The following MACROH2A1 variants were observed in gnomAD, a reference collection of about 807,000 sequenced individuals.
MACROH2A1 encodes macroH2A.1 histone.
A neutral mutation model predicts 31.6 loss-of-function variants in MACROH2A1; 2 were observed. That is an observed-to-expected ratio of 0.06 (90% CI 0.03 to 0.20). MACROH2A1 has a LOEUF of 0.20. Ranked by LOEUF, MACROH2A1 falls within the 10% of genes least tolerant of loss-of-function variation. The pLI is 1.00. For missense variants in MACROH2A1, 230 were observed against 474.0 expected (o/e 0.49, Z 4.78); for synonymous variants, 169 against 189.6 (o/e 0.89, Z 0.89).
intron 8 of MACROH2A1, among the ~76,000 whole-genome samples, chr5:135,335,717 G>C (rs985737766): frequency 2.6e-5 from 4 of 152,022 alleles, no homozygotes; most frequent in African/African-American, 4.8e-5. Context: ...AAGTTTCCAA[G>C]CCAAATGTGT....
chr5:135,378,921 G>C (rs1765275130), intron 2 of MACROH2A1, among the ~76,000 whole-genome samples: 1 of 152,124 alleles, frequency 6.6e-6, no homozygotes, highest in South Asian at 2.1e-4. Context: ...GCCTGGGGTG[G>C]GAGTGAAAGG....
chr5:135,350,775 C>T (rs371673190), intron 6 of MACROH2A1: 24 of 1,153,392 alleles, frequency 2.1e-5, no homozygotes, highest in East Asian at 4.7e-5. Flanking sequence ...CTGCAGCGGC[C>T]GACTGACCAT....
chr5:135,391,399 G>C (rs1767214947), intron 1 of MACROH2A1, among the ~76,000 whole-genome samples: 1 of 152,136 alleles, frequency 6.6e-6, no homozygotes, highest in Admixed American at 6.5e-5. Context: ...GGCATGTCTG[G>C]GGCTGCCTAT....
At chr5:135,395,262 C>T (rs1279854390) in intron 1 of MACROH2A1, among the ~76,000 whole-genome samples, 1 of 152,172 alleles carries the variant, frequency 6.6e-6, no homozygotes, top group Non-Finnish European at 1.5e-5. Context: ...ACCCCTTAAA[C>T]AATCAGGGCA....
Position 135,334,974 on chromosome 5 carries a change from G to A in MACROH2A1, c.*2C>T, listed in dbSNP as rs1488277658. Reference sequence around the variant, plus strand: ...GTGCAGCTGGTTCTGTCATTGCTCAGCCTAGTTGGCGTCCAGCTTGGCCAT... The same window carrying A: ...GTGCAGCTGGTTCTGTCATTGCTCAACCTAGTTGGCGTCCAGCTTGGCCAT... On this transcript the variant is annotated 3_prime_UTR_variant, in exon 9 of 9. Coordinates refer to ENST00000511689, the MANE Select transcript of MACROH2A1 (RefSeq NM_138610.3). The A allele has an allele frequency of 6.2e-7, 1 of 1,613,014 alleles. No homozygotes were observed. The highest frequency in any genetic ancestry group is 8.5e-7 in the Non-Finnish European group (1 of 1,179,232).
chr5:135,385,058 C>T (rs1184457883), intron 2 of MACROH2A1, among the ~76,000 whole-genome samples: 2 of 152,220 alleles, frequency 1.3e-5, no homozygotes, highest in Non-Finnish European at 2.9e-5. Flanking sequence ...ATCCAGACCC[C>T]TCCCATCTCT....
chr5:135,382,425 A>G (rs1765774441), intron 2 of MACROH2A1, among the ~76,000 whole-genome samples: 1 of 152,250 alleles, frequency 6.6e-6, no homozygotes, highest in African/African-American at 2.4e-5. Flanking sequence ...AAATGGTGCT[A>G]GAACAACTAG....
intron 5 of MACROH2A1, chr5:135,354,831 CAAATT>C (rs1034368275): frequency 5.9e-6 from 2 of 337,936 alleles, no homozygotes; most frequent in African/African-American, 2.2e-5. Flanking sequence ...TACAAAAACT[CAAATT>C]AAGCCAATAC....
At chr5:135,391,193 G>A (rs1482909987) in intron 1 of MACROH2A1, among the ~76,000 whole-genome samples, 1 of 152,226 alleles carries the variant, frequency 6.6e-6, no homozygotes, top group Non-Finnish European at 1.5e-5. Context: ...GCTGTCATTG[G>A]GTTTCCTAGC....
chr5:135,340,862 G>A (rs773949522), intron 8 of MACROH2A1, among the ~76,000 whole-genome samples: 1 of 152,172 alleles, frequency 6.6e-6, no homozygotes, highest in African/African-American at 2.4e-5. Context: ...ACAGCTCTAT[G>A]GGGTGAGGTC....
intron 4 of MACROH2A1, among the ~76,000 whole-genome samples, chr5:135,365,507 T>G (rs539947864): frequency 3.9e-5 from 6 of 152,318 alleles, no homozygotes; most frequent in African/African-American, 1.4e-4. Context: ...TCCTGCCTTC[T>G]GTAATGAATC....
Position 135,369,235 on chromosome 5 carries a change from C to T in MACROH2A1, c.477+171G>A. On this transcript the variant is annotated intron_variant, in intron 4 of 8. Transcript: ENST00000511689. This position sits in a 1 kb window ranked among gnomAD's most constrained non-coding sequence, Gnocchi z 4.3. ...CTCTGGGAGGGCCTCCTGACTCTGG[C>T]TACTTGTGTTGGACTAGCCCCTCTG... 2 of 685,696 alleles carry T rather than the reference C, an allele frequency of 2.9e-6. No individual in the cohort carries two copies. The highest frequency in any genetic ancestry group is 1.8e-5 in the South Asian group (1 of 56,808). The allele number at this position is 685,696 out of a possible 1,614,324, so 42.5% of individuals were successfully genotyped here. A position where few individuals can be genotyped will look rare whatever the true frequency, so the allele number is the denominator to read the frequency against.
intron 4 of MACROH2A1, among the ~76,000 whole-genome samples, chr5:135,366,175 T>A (rs1381593378): frequency 6.6e-6 from 1 of 152,244 alleles, no homozygotes; most frequent in Non-Finnish European, 1.5e-5. Context: ...GAACTGTGAC[T>A]CAATTAAACT....
chr5:135,340,081 C>T (rs1759537254), intron 8 of MACROH2A1, among the ~76,000 whole-genome samples: 1 of 152,102 alleles, frequency 6.6e-6, no homozygotes, highest in Non-Finnish European at 1.5e-5. Context: ...GGGGGCAGTC[C>T]TATGGTGGGA....
At chr5:135,345,797 C>G in intron 7 of MACROH2A1, 171 bp downstream of exon 7, 2 of 561,656 alleles carry the variant, frequency 3.6e-6, no homozygotes, top group Admixed American at 3.0e-5. Flanking sequence ...TCCCAGACAA[C>G]CTGCATGTGG....
rs1763857612 is a variant in MACROH2A1, at chr5:135,369,010, C to A, written c.477+396G>T. On this transcript the variant is annotated intron_variant, in intron 4 of 8. Coordinates refer to ENST00000511689, the MANE Select transcript of MACROH2A1 (RefSeq NM_138610.3). The surrounding 1 kb of genome is among the most constrained non-coding windows in gnomAD (Gnocchi z 4.3). ...CCATGGCAACATGAGAGTTCTGCAA[C>A]TGAGCATCAGGGCATGCAGGTAGCT... is the stretch of plus-strand genomic sequence containing the variant. 6.6e-6 allele frequency among the ~76,000 whole-genome samples: 1 copy of A among 152,258 alleles called. No homozygotes were observed.
chr5:135,356,763 T>C (rs1762224010), intron 5 of MACROH2A1: 1 of 152,194 alleles, frequency 6.6e-6, no homozygotes, highest in Non-Finnish European at 1.5e-5. Context: ...TGACCTGACC[T>C]ACTTGGCTAC....
Position 135,391,704 on chromosome 5 carries a change from C to T in MACROH2A1, c.-33-2578G>A, listed in dbSNP as rs10063396. Among the ~76,000 whole-genome samples, 758 of 152,330 alleles carry T rather than the reference C, an allele frequency of 5.0e-3. 7 individuals are homozygous for T. Among genetic ancestry groups the T allele is most frequent in the African/African-American group, 0.017 (698 of 41,578 alleles). Reference sequence around the variant, plus strand: ...CAGCCTCATCAGTGGCAATGTCATGCACCAAACTAGCCAAACAGCAGTGAA... The same window carrying T: ...CAGCCTCATCAGTGGCAATGTCATGTACCAAACTAGCCAAACAGCAGTGAA... On this transcript the variant is annotated intron_variant, in intron 1 of 8. Transcript: ENST00000511689.
At position 135,369,539 on chromosome 5, in the gene MACROH2A1, G is replaced by A. The variant is rs1469366006; in HGVS notation, c.344C>T (p.Ala115Val). ...VLPNIHPELLAKKRGSKGKLE... is the reference protein window; with the variant it reads ...VLPNIHPELLVKKRGSKGKLE... ...CTTTCCTTTGGATCCCCGCTTCTTCGCTAGCAACTCGGGGTGGATGTTGGG... is the reference window on the plus strand; with the variant it reads ...CTTTCCTTTGGATCCCCGCTTCTTCACTAGCAACTCGGGGTGGATGTTGGG... Residue 115 changes from alanine (A) to valine (V), a missense_variant, in exon 4 of 9, where the codon GCG becomes GTG. This residue lies in a region of MACROH2A1 where 47 missense variants were observed against 154.7 expected (regional missense o/e 0.30). Coordinates refer to ENST00000511689, the MANE Select transcript of MACROH2A1 (RefSeq NM_138610.3). This position sits in a 1 kb window ranked among gnomAD's most constrained non-coding sequence, Gnocchi z 4.3. 6 of 1,613,978 alleles carry A rather than the reference G, an allele frequency of 3.7e-6. No homozygotes were observed. The highest frequency in any genetic ancestry group is 5.1e-6 in the Non-Finnish European group (6 of 1,179,894).
Sources: allele counts gnomAD v4.1 joint callset (sites outside exome capture counted in the v4.1 genomes callset), GRCh38; gene constraint gnomAD v4.1.1; regional missense constraint gnomAD v4.1.1; non-coding constraint Gnocchi (gnomAD v3.1); transcripts MANE v1.5; gene names NCBI Gene and HGNC (gene_info 2026-07-23, HGNC 2026-07-21).